The following FAM124A variants were observed in gnomAD, a reference collection of about 807,000 sequenced individuals.
FAM124A encodes family with sequence similarity 124 member A.
Under a neutral mutation model 24.5 loss-of-function variants are expected in FAM124A, and 23 were observed. The ratio of observed to expected loss-of-function variants is 0.94; its 90% CI spans 0.68 to 1.33. FAM124A has a LOEUF of 1.33. Among genes scored for constraint, FAM124A ranks in the 40% most tolerant of loss-of-function variants. FAM124A has a pLI of 0.00. For synonymous variants in FAM124A, 287 were observed against 314.7 expected, an observed-to-expected ratio of 0.91 and a Z score of 0.93; for missense variants, 623 against 722.8, an observed-to-expected ratio of 0.86 and a Z score of 1.58.
chr13:51,238,931 CA>C (rs913018674), intron 2 of FAM124A, among the ~76,000 whole-genome samples: 1 of 151,734 alleles, frequency 6.6e-6, no homozygotes, highest in African/African-American at 2.4e-5. Context: ...CATCCATTTC[CA>C]AAAAAAATAT....
intron 3 of FAM124A, among the ~76,000 whole-genome samples, chr13:51,261,918 G>A (rs190708083): frequency 1.3e-5 from 2 of 152,214 alleles, no homozygotes; most frequent in Non-Finnish European, 2.9e-5. Context: ...TTTCAGACAG[G>A]TACAGTACTG....
rs1954272079 is a variant in FAM124A at position 51,222,579 on chromosome 13, GC to G, written c.68+12del. On this transcript the variant is annotated intron_variant, in intron 1 of 3. Transcript: ENST00000322475. ...GCGCCGAGACCGGAGGGTGAGCCGC[GC>G]CGGGCCGGGCCGCGGGCGGGGGGCG... 2.9e-5 allele frequency: 36 copies of G among 1,222,388 alleles called. No homozygotes were observed. The highest frequency in any genetic ancestry group is 3.7e-5 in the Non-Finnish European group (36 of 982,872). 75.7% of individuals were successfully genotyped at this position (1,222,388 alleles called of 1,614,324 possible). A position where few individuals can be genotyped will look rare whatever the true frequency, so the allele number is the denominator to read the frequency against.
intron 2 of FAM124A, among the ~76,000 whole-genome samples, chr13:51,238,077 AGGTCT>A (rs993430225): frequency 1.5e-4 from 23 of 152,348 alleles, no homozygotes; most frequent in African/African-American, 5.5e-4. Context: ...CATTTATGGC[AGGTCT>A]GGGTTTTGCA....
intron 2 of FAM124A, among the ~76,000 whole-genome samples, chr13:51,244,657 G>A (rs1954536187): frequency 6.6e-6 from 1 of 152,172 alleles, no homozygotes. Flanking sequence ...AGGAGGGCTA[G>A]TCTGGCAGGC....
chr13:51,275,010 T>C (rs1188507491), intron 3 of FAM124A, among the ~76,000 whole-genome samples: 1 of 152,208 alleles, frequency 6.6e-6, no homozygotes, highest in Non-Finnish European at 1.5e-5. Context: ...GTCCTCCCTG[T>C]GGTCATCCAC....
At chr13:51,279,766 C>T (rs1389967068) in intron 3 of FAM124A, among the ~76,000 whole-genome samples, 6 of 152,216 alleles carry the variant, frequency 3.9e-5, no homozygotes, top group Non-Finnish European at 8.8e-5. Flanking sequence ...CAGGCGGCAG[C>T]TCCCTTTCCT....
chr13:51,231,417 G>C, intron 2 of FAM124A, 38 bp downstream of exon 2: 6 of 1,610,652 alleles, frequency 3.7e-6, no homozygotes, highest in Non-Finnish European at 5.1e-6. Flanking sequence ...ATTGTCTAAC[G>C]GTCCCCGGAG....
intron 1 of FAM124A, among the ~76,000 whole-genome samples, 165 bp downstream of exon 1, chr13:51,222,734 G>T (rs1002776875): frequency 3.3e-5 from 5 of 152,152 alleles, no homozygotes; most frequent in Non-Finnish European, 5.9e-5. Context: ...GCTGCCCTGG[G>T]CAGGGCGGGC....
intron 1 of FAM124A, among the ~76,000 whole-genome samples, chr13:51,230,127 G>A (rs1954359528): frequency 1.3e-5 from 2 of 152,120 alleles, no homozygotes; most frequent in Non-Finnish European, 1.5e-5. Flanking sequence ...ATATGCAAAT[G>A]TTGGTAGTTG....
intron 2 of FAM124A, among the ~76,000 whole-genome samples, chr13:51,242,692 T>C (rs1158213879): frequency 6.6e-6 from 1 of 152,126 alleles, no homozygotes; most frequent in Admixed American, 6.5e-5. Context: ...TAAAGTAAGA[T>C]GGATGTCCCA....
At chr13:51,230,927 T>C (rs1173093525) in intron 1 of FAM124A, among the ~76,000 whole-genome samples, 6 of 152,372 alleles carry the variant, frequency 3.9e-5, no homozygotes, top group Non-Finnish European at 5.9e-5. Flanking sequence ...TGGGATCCTC[T>C]GCTTATGTTA....
intron 2 of FAM124A, among the ~76,000 whole-genome samples, chr13:51,231,604 C>G (rs1954377771): frequency 6.6e-6 from 1 of 152,212 alleles, no homozygotes; most frequent in Non-Finnish European, 1.5e-5. Context: ...GCTTTATCAG[C>G]TGCTTGTGGA....
chr13:51,247,001 G>T (rs758085689), intron 2 of FAM124A, among the ~76,000 whole-genome samples: 1 of 152,230 alleles, frequency 6.6e-6, no homozygotes, highest in Non-Finnish European at 1.5e-5. Context: ...AGTTGCCCTC[G>T]AGGGCACTGC....
chr13:51,236,825 C>G (rs781311571), intron 2 of FAM124A, among the ~76,000 whole-genome samples: 8 of 149,990 alleles, frequency 5.3e-5, no homozygotes, highest in Admixed American at 2.7e-4. Flanking sequence ...CAACTTTTAT[C>G]CATTTGTAAA....
chr13:51,267,651 A>G (rs998763497), intron 3 of FAM124A, among the ~76,000 whole-genome samples: 6 of 152,110 alleles, frequency 3.9e-5, no homozygotes, highest in Non-Finnish European at 8.8e-5. Flanking sequence ...ATTTCCAACA[A>G]TGCAAATGAG....
At chr13:51,257,834 G>C (rs903088865) in intron 3 of FAM124A, among the ~76,000 whole-genome samples, 1 of 152,112 alleles carries the variant, frequency 6.6e-6, no homozygotes, top group Non-Finnish European at 1.5e-5. Context: ...AGTAGTTCCC[G>C]TTCCCCAATC....
intron 1 of FAM124A, among the ~76,000 whole-genome samples, chr13:51,229,022 G>A (rs1954346060): frequency 6.6e-6 from 1 of 152,176 alleles, no homozygotes; most frequent in South Asian, 2.1e-4. Flanking sequence ...TGTTATGATG[G>A]TATCAAGTGA....
At chr13:51,244,193 C>T (rs1295814543) in intron 2 of FAM124A, among the ~76,000 whole-genome samples, 4 of 152,100 alleles carry the variant, frequency 2.6e-5, no homozygotes, top group African/African-American at 7.2e-5. Context: ...CAGTTTATTC[C>T]GTCAATGGTA....
intron 2 of FAM124A, among the ~76,000 whole-genome samples, chr13:51,242,822 A>G (rs1954513182): frequency 6.6e-6 from 1 of 152,210 alleles, no homozygotes. Context: ...TTAGACATCC[A>G]CATCGCTGAC....
Sources: allele counts gnomAD v4.1 joint callset (sites outside exome capture counted in the v4.1 genomes callset), GRCh38; gene constraint gnomAD v4.1.1; transcripts MANE v1.5; gene names NCBI Gene and HGNC (gene_info 2026-07-23, HGNC 2026-07-21).